The following SV2C variants were observed in gnomAD, a reference collection of about 807,000 sequenced individuals.
SV2C encodes the protein synaptic vesicle glycoprotein 2C, also known as solute carrier family 22 member B3.
In SV2C, 49 loss-of-function variants were observed where a neutral mutation model predicts 79.7. The observed-to-expected ratio is 0.61, with a 90% confidence interval of 0.49 to 0.78. The LOEUF is 0.78. Ranked by LOEUF, SV2C falls within the 30% of genes least tolerant of loss-of-function variation. The probability of loss-of-function intolerance (pLI) is 0.00; values close to 1 mark genes in which losing one functional copy is unlikely to be tolerated. For synonymous variants in SV2C, 334 were observed against 333.2 expected (o/e 1.00, Z -0.03); for missense variants, 833 against 912.9 (o/e 0.91, Z 1.13).
At chr5:75,949,796 T>C in the SV2C span, among the ~76,000 whole-genome samples, 2 of 152,064 alleles carry the variant, frequency 1.3e-5, no homozygotes, top group Non-Finnish European at 2.9e-5. Context: ...CGGATATGTC[T>C]TTATCTGCAG....
chr5:75,879,705 T>A, the SV2C span, among the ~76,000 whole-genome samples: 5 of 152,206 alleles, frequency 3.3e-5, no homozygotes, highest in African/African-American at 1.2e-4. Flanking sequence ...TCTATCATTC[T>A]AGGTTCTGGA....
the SV2C span, among the ~76,000 whole-genome samples, chr5:76,064,602 G>A: frequency 2.0e-5 from 3 of 152,084 alleles, no homozygotes; most frequent in Non-Finnish European, 4.4e-5. Context: ...GAGCAAATCA[G>A]GAAGAGATGG....
intron 4 of SV2C, among the ~76,000 whole-genome samples, chr5:76,247,224 A>G (rs1745972718): frequency 6.6e-6 from 1 of 152,246 alleles, no homozygotes. Context: ...AGCAAATGCT[A>G]CAGAGGAGAG....
At chr5:76,230,592 A>T (rs145494401) in intron 4 of SV2C, among the ~76,000 whole-genome samples, 17,886 of 152,142 alleles carry the variant, frequency 0.12, 3,062 homozygotes, top group African/African-American at 0.38. Context: ...GGAGTTCGAG[A>T]CCAGCCTGGC....
At chr5:76,031,679 A>C in the SV2C span, among the ~76,000 whole-genome samples, 2 of 152,220 alleles carry the variant, frequency 1.3e-5, no homozygotes, top group African/African-American at 4.8e-5. Flanking sequence ...CAATATCTTT[A>C]TTATTACCTA....
intron 1 of SV2C, among the ~76,000 whole-genome samples, chr5:76,089,420 C>T (rs189141737): frequency 7.0e-4 from 107 of 152,260 alleles, no homozygotes; most frequent in African/African-American, 2.5e-3. Context: ...TCTATATCCA[C>T]CTTATCATTG....
chr5:76,098,120 G>T (rs1747626559), intron 1 of SV2C, among the ~76,000 whole-genome samples: 1 of 152,152 alleles, frequency 6.6e-6, no homozygotes, highest in Non-Finnish European at 1.5e-5. Flanking sequence ...AACAACTGTG[G>T]GAGATGCCCA....
At chr5:76,034,283 A>G in the SV2C span, among the ~76,000 whole-genome samples, 3 of 152,074 alleles carry the variant, frequency 2.0e-5, no homozygotes, top group East Asian at 1.9e-4. Flanking sequence ...TTCCAACACT[A>G]TGTTGAATAG....
In SV2C at chr5:76,351,012, CA is replaced by C. The variant is rs57145451; in HGVS notation, c.2001-2103del. On this transcript the variant is annotated intron_variant, in intron 12 of 12. Coordinates refer to the SV2C transcript ENST00000322285. ...CTGCTGATAGAGTGAGACTCCATCT[CA>C]AAAAAAAAAAAAAATTCTCTAAGAT... Among the ~76,000 whole-genome samples, 131 of 136,428 alleles carry C rather than the reference CA, an allele frequency of 9.6e-4. 1 individual carries two copies. Among genetic ancestry groups the C allele is most frequent in the Admixed American group, 1.6e-3 (22 of 13,508 alleles). The allele number at this position is 136,428 out of a possible 152,430, so 89.5% of individuals were successfully genotyped here. A position where few individuals can be genotyped will look rare whatever the true frequency, so the allele number is the denominator to read the frequency against.
chr5:76,199,015 A>G (rs1744352873), intron 3 of SV2C, among the ~76,000 whole-genome samples: 1 of 152,244 alleles, frequency 6.6e-6, no homozygotes, highest in South Asian at 2.1e-4. Flanking sequence ...GGAGAAAACA[A>G]TAATAACATT....
At chr5:76,161,643 G>A (rs1479349324) in intron 2 of SV2C, among the ~76,000 whole-genome samples, 4 of 152,054 alleles carry the variant, frequency 2.6e-5, no homozygotes. Flanking sequence ...CCTAGGTACA[G>A]GACTTATTTT....
chr5:76,344,824 A>G (rs1003370210), intron 12 of SV2C, among the ~76,000 whole-genome samples: 2 of 152,232 alleles, frequency 1.3e-5, no homozygotes, highest in African/African-American at 4.8e-5. Context: ...TTTAGAATGA[A>G]CTATTTTGTT....
intron 9 of SV2C, among the ~76,000 whole-genome samples, chr5:76,297,150 A>G (rs988174660): frequency 2.0e-5 from 3 of 152,222 alleles, no homozygotes; most frequent in Admixed American, 1.3e-4. Flanking sequence ...TTTGTAAAAC[A>G]TATGTTACAC....
the SV2C span, among the ~76,000 whole-genome samples, chr5:75,924,530 T>A: frequency 3.3e-5 from 5 of 152,058 alleles, 1 homozygote; most frequent in African/African-American, 1.2e-4. Context: ...CTAATAAATG[T>A]CAAGCCCATG....
the SV2C span, among the ~76,000 whole-genome samples, chr5:75,939,574 C>T: frequency 1.3e-5 from 2 of 152,154 alleles, no homozygotes; most frequent in Non-Finnish European, 2.9e-5. Context: ...CAGACATTGT[C>T]TATTGAACCT....
chr5:75,904,210 C>T, the SV2C span, among the ~76,000 whole-genome samples: 6,117 of 151,968 alleles, frequency 0.04, 167 homozygotes, highest in Non-Finnish European at 0.06. Context: ...TGATTAAAGT[C>T]CTGCATATAA....
intron 10 of SV2C, 79 bp from the exon 11 acceptor site, chr5:76,300,650 C>T (rs957621101): frequency 1.3e-5 from 19 of 1,465,888 alleles, no homozygotes; most frequent in Admixed American, 7.1e-5. Flanking sequence ...GTTTCCTCTC[C>T]GAATCCTCCA....
chr5:76,290,908 T>A (rs1747540372), intron 6 of SV2C, among the ~76,000 whole-genome samples: 1 of 152,196 alleles, frequency 6.6e-6, no homozygotes, highest in African/African-American at 2.4e-5. Flanking sequence ...TATCTGGATG[T>A]TTTGTCTGCT....
intron 4 of SV2C, among the ~76,000 whole-genome samples, chr5:76,232,018 C>T (rs1745437517): frequency 6.8e-6 from 1 of 146,154 alleles, no homozygotes; most frequent in Non-Finnish European, 1.5e-5. Flanking sequence ...GTCACACCGA[C>T]TTCCACAATG....
Sources: gnomAD v4.1 joint callset for allele counts (sites outside exome capture counted in the v4.1 genomes callset) on GRCh38, gnomAD v4.1.1 for gene constraint, MANE v1.5 for transcripts, NCBI Gene and HGNC (gene_info 2026-07-23, HGNC 2026-07-21) for gene names.